The following ULK4 variants were observed in gnomAD, a reference collection of about 807,000 sequenced individuals.
ULK4 encodes the protein inactive serine/threonine-protein kinase ULK4.
In ULK4, 133 loss-of-function variants were observed where a neutral mutation model predicts 160.6. That is an observed-to-expected ratio of 0.83 (90% CI 0.72 to 0.96). The LOEUF is 0.96. Ranked by LOEUF, ULK4 falls within the 40% of genes least tolerant of loss-of-function variation. The pLI is 0.00. For synonymous variants in ULK4, 534 were observed against 539.8 expected (o/e 0.99, Z 0.15); for missense variants, 1,580 against 1,499.5 (o/e 1.05, Z -0.89).
intron 34 of ULK4, among the ~76,000 whole-genome samples, chr3:41,429,530 A>G (rs927003419): frequency 3.9e-5 from 6 of 152,238 alleles, no homozygotes; most frequent in Admixed American, 3.3e-4. Flanking sequence ...GGATAAAGAA[A>G]ACGTGGCACA....
At chr3:41,817,065 A>AGTGT (rs2040990184) in intron 19 of ULK4, among the ~76,000 whole-genome samples, 1 of 141,954 alleles carries the variant, frequency 7.0e-6, no homozygotes, top group African/African-American at 3.0e-5. Flanking sequence ...ATGTGGGGAA[A>AGTGT]CTGTGTGTGT....
chr3:41,646,654 T>C (rs1185278999), intron 30 of ULK4, among the ~76,000 whole-genome samples: 1 of 152,216 alleles, frequency 6.6e-6, no homozygotes, highest in East Asian at 1.9e-4. Context: ...CTATGGTGAA[T>C]CTGACAATTA....
At chr3:41,817,523 A>G (rs2041011225) in intron 19 of ULK4, among the ~76,000 whole-genome samples, 1 of 152,222 alleles carries the variant, frequency 6.6e-6, no homozygotes, top group Non-Finnish European at 1.5e-5. Context: ...AAGCAGGTAC[A>G]GAAAACCAAA....
At chr3:41,378,710 A>G (rs1215881279) in intron 35 of ULK4, among the ~76,000 whole-genome samples, 1 of 151,884 alleles carries the variant, frequency 6.6e-6, no homozygotes, top group Non-Finnish European at 1.5e-5. Context: ...TAGCACACCA[A>G]CATGGCACAT....
intron 21 of ULK4, among the ~76,000 whole-genome samples, chr3:41,775,247 TAAAG>T (rs998206418): frequency 1.3e-5 from 2 of 150,436 alleles, no homozygotes; most frequent in African/African-American, 5.0e-5. Context: ...AAAAGAAATA[TAAAG>T]ATTTATATTT....
At chr3:41,376,840 C>A (rs913954246) in intron 35 of ULK4, among the ~76,000 whole-genome samples, 2 of 149,990 alleles carry the variant, frequency 1.3e-5, no homozygotes, top group Non-Finnish European at 2.9e-5. Context: ...CAACAAGCTA[C>A]CAATGACTTT....
chr3:41,448,854 G>C (rs1233669649), intron 34 of ULK4, among the ~76,000 whole-genome samples: 1 of 152,156 alleles, frequency 6.6e-6, no homozygotes, highest in Non-Finnish European at 1.5e-5. Context: ...TTCACTGACA[G>C]ACAAAGCACA....
At chr3:41,595,625 G>C (rs1199585855) in intron 31 of ULK4, among the ~76,000 whole-genome samples, 1 of 152,080 alleles carries the variant, frequency 6.6e-6, no homozygotes, top group Non-Finnish European at 1.5e-5. Context: ...GAGGTGGGAG[G>C]GAAACTGGAG....
chr3:41,538,354 G>T (rs201003569), intron 32 of ULK4, among the ~76,000 whole-genome samples: 4 of 151,586 alleles, frequency 2.6e-5, no homozygotes, highest in African/African-American at 4.9e-5. Context: ...TTTCCCTTTT[G>T]TTTTTTTTCT....
At chr3:41,326,442 GCATA>G (rs1252179220) in intron 35 of ULK4, among the ~76,000 whole-genome samples, 1 of 140,648 alleles carries the variant, frequency 7.1e-6, no homozygotes, top group African/African-American at 2.9e-5. Flanking sequence ...ATATTTACAT[GCATA>G]TATACATATA....
intron 34 of ULK4, among the ~76,000 whole-genome samples, chr3:41,440,263 CTGTT>C (rs1424003959): frequency 6.6e-6 from 1 of 152,130 alleles, no homozygotes; most frequent in Non-Finnish European, 1.5e-5. Flanking sequence ...GCAAACATCT[CTGTT>C]TGTGTTTCAG....
intron 22 of ULK4, among the ~76,000 whole-genome samples, chr3:41,747,129 C>A (rs1419254392): frequency 2.6e-5 from 4 of 151,692 alleles, no homozygotes; most frequent in Non-Finnish European, 4.4e-5. Context: ...AAAATACACA[C>A]CATTAAAGGA....
chr3:41,484,794 T>G (rs1248888479), intron 32 of ULK4, among the ~76,000 whole-genome samples: 1 of 152,138 alleles, frequency 6.6e-6, no homozygotes, highest in Non-Finnish European at 1.5e-5. Flanking sequence ...CATTTGAAGA[T>G]GGAGAACGAC....
chr3:41,801,905 G>A (rs1024645493), intron 19 of ULK4, among the ~76,000 whole-genome samples: 1 of 149,872 alleles, frequency 6.7e-6, no homozygotes, highest in African/African-American at 2.4e-5. Context: ...AGCAACTAGA[G>A]TAAAAAGGCA....
chr3:41,389,000 C>T lies in ULK4; in HGVS notation c.3678+9079G>A, dbSNP rs549376590. Reference sequence around the variant, plus strand: ...ATTTTCACGATATTGATTCTTCCTACCCATGAGCATGGAATGTTCTTCCAT... The same window carrying T: ...ATTTTCACGATATTGATTCTTCCTATCCATGAGCATGGAATGTTCTTCCAT... On this transcript the variant is annotated intron_variant, in intron 35 of 36. Transcript: ENST00000301831. Among the ~76,000 whole-genome samples, 264 of 151,944 alleles carry T rather than the reference C, an allele frequency of 1.7e-3. 2 individuals are homozygous for T. Among genetic ancestry groups the T allele is most frequent in the Middle Eastern group, 6.8e-3 (2 of 294 alleles).
chr3:41,601,892 T>C (rs950851248), intron 31 of ULK4, among the ~76,000 whole-genome samples: 2 of 151,936 alleles, frequency 1.3e-5, no homozygotes, highest in Admixed American at 1.3e-4. Flanking sequence ...CAAAATACTA[T>C]AGAAAATTAG....
At chr3:41,633,970 A>G (rs910843816) in intron 30 of ULK4, among the ~76,000 whole-genome samples, 5 of 152,064 alleles carry the variant, frequency 3.3e-5, no homozygotes, top group African/African-American at 1.2e-4. Context: ...GTAATCATTA[A>G]CCTCATTCTA....
chr3:41,287,759 A>G (rs1424155105), intron 35 of ULK4, among the ~76,000 whole-genome samples: 2 of 152,214 alleles, frequency 1.3e-5, no homozygotes, highest in African/African-American at 4.8e-5. Flanking sequence ...CCCTCCTAGC[A>G]TGATATTAAC....
chr3:41,322,720 T>G (rs933611005), intron 35 of ULK4, among the ~76,000 whole-genome samples: 10 of 152,242 alleles, frequency 6.6e-5, no homozygotes, highest in African/African-American at 2.4e-4. Context: ...AGATATTGGT[T>G]GCTAGACTAC....
Sources: gnomAD v4.1 joint callset for allele counts (sites outside exome capture counted in the v4.1 genomes callset) on GRCh38, gnomAD v4.1.1 for gene constraint, MANE v1.5 for transcripts, NCBI Gene and HGNC (gene_info 2026-07-23, HGNC 2026-07-21) for gene names.